The following NPAS2 variants were observed in gnomAD, a reference collection of about 807,000 sequenced individuals.
NPAS2 encodes neuronal PAS domain-containing protein 2.
A neutral mutation model predicts 107.5 loss-of-function variants in NPAS2; 23 were observed. The ratio of observed to expected loss-of-function variants is 0.21; its 90% CI spans 0.15 to 0.30. The LOEUF is 0.30. Among genes scored for constraint, NPAS2 ranks in the 10% least tolerant of loss-of-function variants. NPAS2 has a pLI of 1.00. For synonymous variants in NPAS2, 403 were observed against 417.5 expected, an observed-to-expected ratio of 0.97 and a Z score of 0.42; for missense variants, 756 against 1,043.3, an observed-to-expected ratio of 0.72 and a Z score of 3.79.
intron 1 of NPAS2, chr2:100,901,357 G>A (rs1163428679): frequency 5.9e-6 from 1 of 168,198 alleles, no homozygotes; most frequent in Non-Finnish European, 1.2e-5. Context: ...TGTTACTGTT[G>A]ATCATGATTT....
intron 2 of NPAS2, among the ~76,000 whole-genome samples, chr2:100,917,546 A>G (rs1011881983): frequency 9.7e-4 from 148 of 152,296 alleles, no homozygotes; most frequent in Middle Eastern, 3.4e-3. Flanking sequence ...AATAAAAATA[A>G]TAAAAGTTCA....
chr2:100,876,050 T>C (rs1331757715), intron 1 of NPAS2, among the ~76,000 whole-genome samples: 2 of 152,226 alleles, frequency 1.3e-5, no homozygotes, highest in African/African-American at 4.8e-5. Flanking sequence ...GATCGAATTA[T>C]TTGCTTTTCT....
At chr2:100,878,493 G>C in intron 1 of NPAS2, 1 of 985,434 alleles carries the variant, frequency 1.0e-6, no homozygotes, top group Non-Finnish European at 1.2e-6. Flanking sequence ...GAAGCAAGAA[G>C]AAAAGGCATG....
intron 1 of NPAS2, among the ~76,000 whole-genome samples, chr2:100,840,908 G>A (rs981429211): frequency 6.6e-6 from 1 of 152,156 alleles, no homozygotes; most frequent in African/African-American, 2.4e-5. Flanking sequence ...GTGCTTACCA[G>A]TCAAGTTTGG....
At chr2:100,978,148 C>G (rs1344428321) in intron 15 of NPAS2, among the ~76,000 whole-genome samples, 1 of 152,208 alleles carries the variant, frequency 6.6e-6, no homozygotes, top group East Asian at 1.9e-4. Flanking sequence ...TCCTTTATGC[C>G]TCACATCCCC....
intron 2 of NPAS2, among the ~76,000 whole-genome samples, chr2:100,908,243 T>C (rs951585941): frequency 2.2e-4 from 33 of 152,152 alleles, no homozygotes; most frequent in African/African-American, 7.0e-4. Flanking sequence ...AAATTAAATG[T>C]AGCTGCGTCT....
chr2:100,922,972 A>G (rs1349484142), intron 2 of NPAS2, among the ~76,000 whole-genome samples: 9 of 152,212 alleles, frequency 5.9e-5, no homozygotes, highest in African/African-American at 2.2e-4. Flanking sequence ...TAGGACAGGA[A>G]CAGAGCTTTT....
At chr2:100,970,559 G>A (rs1413809519) in intron 11 of NPAS2, 2 of 156,024 alleles carry the variant, frequency 1.3e-5, no homozygotes, top group Non-Finnish European at 2.8e-5. Context: ...GAAACTTTCT[G>A]AGAAATGTAA....
intron 3 of NPAS2, among the ~76,000 whole-genome samples, chr2:100,929,943 C>T (rs67033128): frequency 0.12 from 18,168 of 152,188 alleles, 1,235 homozygotes; most frequent in South Asian, 0.17. Context: ...TTCTCAGCTT[C>T]GGAAATGAAT....
chr2:100,937,923 G>A, intron 5 of NPAS2, 81 bp downstream of exon 5: 1 of 1,130,938 alleles, frequency 8.8e-7, no homozygotes, highest in South Asian at 1.2e-5. Context: ...GATGGAAGGT[G>A]GTGCAGGTGT....
intron 2 of NPAS2, among the ~76,000 whole-genome samples, chr2:100,916,614 A>C (rs1317686769): frequency 6.6e-6 from 1 of 152,208 alleles, no homozygotes; most frequent in Non-Finnish European, 1.5e-5. Context: ...GCACAACCTG[A>C]AGAAGTTAGA....
At position 100,995,387 on chromosome 2, in the gene NPAS2, CT is replaced by C. The variant is rs758270806; in HGVS notation, c.2293-5del. 34 of 1,605,082 alleles carry C rather than the reference CT, an allele frequency of 2.1e-5. No homozygotes were observed. Among genetic ancestry groups the C allele is most frequent in the African/African-American group, 2.7e-5 (2 of 74,610 alleles). On this transcript the variant is annotated splice_polypyrimidine_tract_variant and intron_variant, in intron 20 of 20. Coordinates refer to ENST00000335681, the MANE Select transcript of NPAS2 (RefSeq NM_002518.4). ...AGAACCACCTCTGAAGCCCTTTGTT[CT>C]TTTTTTTCTAGGTACAGGCACCAAC...
At chr2:100,948,391 G>A (rs775267691) in intron 6 of NPAS2, 36 bp downstream of exon 6, 47 of 1,563,114 alleles carry the variant, frequency 3.0e-5, no homozygotes, top group Non-Finnish European at 3.0e-5. Context: ...AAGCTAGAAA[G>A]ATAAGAATTT....
At chr2:100,961,986 C>T (rs977308957) in intron 7 of NPAS2, among the ~76,000 whole-genome samples, 1 of 152,140 alleles carries the variant, frequency 6.6e-6, no homozygotes, top group East Asian at 1.9e-4. Flanking sequence ...GAGTATTTCA[C>T]ATCTGGGAAG....
intron 7 of NPAS2, among the ~76,000 whole-genome samples, chr2:100,957,821 G>T (rs1408527038): frequency 6.6e-6 from 1 of 152,190 alleles, no homozygotes; most frequent in Non-Finnish European, 1.5e-5. Context: ...CCAGCTACTC[G>T]GGAGACTGAG....
At chr2:100,993,123 G>A (rs940308439) in intron 19 of NPAS2, among the ~76,000 whole-genome samples, 1 of 151,808 alleles carries the variant, frequency 6.6e-6, no homozygotes, top group African/African-American at 2.4e-5. Context: ...TAGTAGAGAC[G>A]GGGGTTTCAC....
At position 100,988,192 on chromosome 2, in the gene NPAS2, G is replaced by A. The variant is rs371313218; in HGVS notation, c.1743G>A (p.Ala581=). ...CAGTGACTCAGCCCCAGCTCGGGGC[G>A]GGCCCCCAACTTCCAGGGCAGATCT... ...SAAVTQPQLG[A]GPQLPGQISS... Residue 581 remains alanine, a synonymous_variant, in exon 17 of 21, where the codon GCG becomes GCA. Coordinates refer to ENST00000335681, the MANE Select transcript of NPAS2 (RefSeq NM_002518.4). 5.7e-5 allele frequency: 92 copies of A among 1,614,032 alleles called. No individual in the cohort carries two copies. The highest frequency in any genetic ancestry group is 2.8e-4 in the African/African-American group (21 of 74,932).
chr2:100,932,591 G>T (rs1214687984), intron 3 of NPAS2, among the ~76,000 whole-genome samples: 1 of 151,120 alleles, frequency 6.6e-6, no homozygotes, highest in Admixed American at 6.6e-5. Context: ...TTCATAGGTG[G>T]TAACTACCTA....
chr2:100,918,586 A>G (rs976414428), intron 2 of NPAS2, among the ~76,000 whole-genome samples: 4 of 152,236 alleles, frequency 2.6e-5, no homozygotes, highest in African/African-American at 9.6e-5. Context: ...TAAAATGGGC[A>G]AAAGATATGA....
Sources: allele counts gnomAD v4.1 joint callset (sites outside exome capture counted in the v4.1 genomes callset), GRCh38; gene constraint gnomAD v4.1.1; transcripts MANE v1.5; gene names NCBI Gene and HGNC (gene_info 2026-07-23, HGNC 2026-07-21).